The following PPP2R5D variants were observed in gnomAD, a reference collection of about 807,000 sequenced individuals.
PPP2R5D encodes protein phosphatase 2 regulatory subunit B'delta.
PPP2R5D carries 12 observed loss-of-function variants against 79.1 expected under a neutral mutation model. The ratio of observed to expected loss-of-function variants is 0.15; its 90% confidence interval spans 0.10 to 0.25. The LOEUF (loss-of-function observed/expected upper bound fraction) is 0.25. PPP2R5D is among the 10% of genes least tolerant of loss of function. The pLI, the probability that PPP2R5D is intolerant of heterozygous loss-of-function variation, is 1.00. For synonymous variants in PPP2R5D, 277 were observed against 286.6 expected (o/e 0.97, Z 0.34); for missense variants, 419 against 760.2 (o/e 0.55, Z 5.28).
Position 43,011,561 on chromosome 6 carries a change from T to C in PPP2R5D, c.*275T>C. ...GGGATGCCTGTCCCCTACCTGCTCCTCACCCACAGCTACCTGAGGCTGCTC... is the reference window on the plus strand; with the variant it reads ...GGGATGCCTGTCCCCTACCTGCTCCCCACCCACAGCTACCTGAGGCTGCTC... On this transcript the variant is annotated 3_prime_UTR_variant, in exon 16 of 16. Transcript: ENST00000485511. The C allele has an allele frequency of 2.0e-6, 1 of 510,214 alleles. No homozygotes were observed. Among genetic ancestry groups the C allele is most frequent in the East Asian group, 3.5e-5 (1 of 28,838 alleles). The allele number at this position is 510,214 out of a possible 1,614,324, so 31.6% of individuals were successfully genotyped here. A position where few individuals can be genotyped will look rare whatever the true frequency, so the allele number is the denominator to read the frequency against.
chr6:42,984,829 G>A, intron 1 of PPP2R5D, 125 bp downstream of exon 1: 1 of 1,426,484 alleles, frequency 7.0e-7, no homozygotes, highest in Non-Finnish European at 9.3e-7. Flanking sequence ...GGACTCCTGG[G>A]GCCAGCCCTC....
rs991792900 is a variant in PPP2R5D, at chr6:42,984,800, C to T, written c.27+96C>T. 1.9e-6 allele frequency: 3 copies of T among 1,556,172 alleles called. No individual in the cohort carries two copies. The African/African-American group carries it at 4.2e-5, about 22-fold the overall frequency. ...GGCCCGGGACAGCCCCAGACTGACC[C>T]TCCCGTCCAGCCCCCGCAGGACTCC... On this transcript the variant is annotated intron_variant, in intron 1 of 15. Transcript: ENST00000485511.
In PPP2R5D at chr6:43,008,189, T is replaced by G. The variant is rs1762189877; in HGVS notation, c.858-12T>G. Reference sequence around the variant, plus strand: ...TCAGGGGTTGTCAAGAGAGCCATTTTTCTTCCCTCAGGTTCATCTACGAGA... The same window carrying G: ...TCAGGGGTTGTCAAGAGAGCCATTTGTCTTCCCTCAGGTTCATCTACGAGA... On this transcript the variant is annotated splice_polypyrimidine_tract_variant and intron_variant, in intron 7 of 15. Transcript: ENST00000485511. The surrounding 1 kb of genome is among the most constrained non-coding windows in gnomAD (Gnocchi z 4.2). 6.2e-7 allele frequency: 1 copy of G among 1,614,026 alleles called. No homozygotes were observed. The highest frequency in any genetic ancestry group is 8.5e-7 in the Non-Finnish European group (1 of 1,180,036).
chr6:43,011,609 A>G lies in PPP2R5D; in HGVS notation c.*323A>G. ...CTCTGAGAAGTACACACAGGAATAC[A>G]TACGCTCCTCTATTCTTCCCTTCAT... On this transcript the variant is annotated 3_prime_UTR_variant, in exon 16 of 16. Coordinates refer to ENST00000485511, the MANE Select transcript of PPP2R5D (RefSeq NM_006245.4). 2.6e-6 allele frequency: 1 copy of G among 382,338 alleles called. No individual in the cohort carries two copies. Among genetic ancestry groups the G allele is most frequent in the South Asian group, 3.2e-5 (1 of 31,474 alleles). The allele number at this position is 382,338 out of a possible 1,614,324, so 23.7% of individuals were successfully genotyped here.
At position 43,010,076 on chromosome 6, in the gene PPP2R5D, A is replaced by T. The variant is rs1762278636; in HGVS notation, c.1380-392A>T. Among the ~76,000 whole-genome samples, 1 of 146,822 alleles carries T rather than the reference A, an allele frequency of 6.8e-6. No homozygotes were observed. The highest frequency in any genetic ancestry group is 1.9e-4 in the East Asian group (1 of 5,146). On this transcript the variant is annotated intron_variant, in intron 12 of 15. Coordinates refer to ENST00000485511, the MANE Select transcript of PPP2R5D (RefSeq NM_006245.4). This position sits in a 1 kb window ranked among gnomAD's most constrained non-coding sequence, Gnocchi z 4.7. ...AGAGTGAGACTCCGTCTTAAAAAAAAAACTCAGGGTTTTGAAAAGACTTTT... is the reference window on the plus strand; with the variant it reads ...AGAGTGAGACTCCGTCTTAAAAAAATAACTCAGGGTTTTGAAAAGACTTTT...
intron 2 of PPP2R5D, among the ~76,000 whole-genome samples, chr6:43,003,920 G>C (rs922933302): frequency 2.0e-5 from 3 of 150,766 alleles, no homozygotes; most frequent in Non-Finnish European, 4.4e-5. Context: ...ATTTTTAGTA[G>C]AGACGGGGTG....
Position 42,984,601 on chromosome 6 carries a change from A to C in PPP2R5D, c.-77A>C. On this transcript the variant is annotated 5_prime_UTR_variant, in exon 1 of 16. Transcript: ENST00000485511. ...CGCAGGCGGTGGCGAAGAGACGCCG[A>C]GCGGGCCGAGTGCGGCCGAGCAAAG... The C allele has an allele frequency of 6.6e-7, 1 of 1,514,264 alleles. No homozygotes were observed. The highest frequency in any genetic ancestry group is 8.8e-7 in the Non-Finnish European group (1 of 1,132,266). The allele number at this position is 1,514,264 out of a possible 1,614,324, so 93.8% of individuals were successfully genotyped here. A position where few individuals can be genotyped will look rare whatever the true frequency, so the allele number is the denominator to read the frequency against.
At chr6:42,998,015 T>TTATATATATATATATATA (rs1561843629) in intron 2 of PPP2R5D, among the ~76,000 whole-genome samples, 2 of 32,338 alleles carry the variant, frequency 6.2e-5, no homozygotes, top group Admixed American at 5.1e-4. Context: ...TGGGTTTTAT[T>TTATATATATATATATATA]TATATATATA....
rs990763095 is a variant in PPP2R5D at position 43,006,254 on chromosome 6, A to T, written c.106-209A>T. ...GGCTCTTGATGCACAAGCAGTGGGC[A>T]TCTCTTTGGGTGATGTGACTTCTTG... is the stretch of plus-strand genomic sequence containing the variant. On this transcript the variant is annotated intron_variant, in intron 2 of 15. Coordinates refer to ENST00000485511, the MANE Select transcript of PPP2R5D (RefSeq NM_006245.4). The surrounding 1 kb of genome is among the most constrained non-coding windows in gnomAD (Gnocchi z 4.7). Among the ~76,000 whole-genome samples, 1 of 152,220 alleles carries T rather than the reference A, an allele frequency of 6.6e-6. No homozygotes were observed. The highest frequency in any genetic ancestry group is 2.4e-5 in the African/African-American group (1 of 41,462).
At position 43,008,758 on chromosome 6, in the gene PPP2R5D, TC is replaced by T. The variant is rs1430873756; in HGVS notation, c.1080+14del. ...GTCTGACTGAGCCGGTAATTCCCCT[TC>T]CGGGCCCCAAGGCCCACCTCTTACT... On this transcript the variant is annotated intron_variant, in intron 10 of 15. Coordinates refer to ENST00000485511, the MANE Select transcript of PPP2R5D (RefSeq NM_006245.4). The surrounding 1 kb of genome is among the most constrained non-coding windows in gnomAD (Gnocchi z 4.2). 1.2e-6 allele frequency: 2 copies of T among 1,613,328 alleles called. No homozygotes were observed.
intron 1 of PPP2R5D, among the ~76,000 whole-genome samples, chr6:42,985,775 CTTTTTTTT>C: frequency 8.5e-6 from 1 of 118,298 alleles, no homozygotes; most frequent in Non-Finnish European, 1.8e-5. Context: ...CAGGCCATTT[CTTTTTTTT>C]TTTTTTTTTT....
In PPP2R5D at chr6:43,012,195, G is replaced by A. The variant is rs182035549; in HGVS notation, c.*909G>A. ...AGGGGCCAGGGGCTGAGGAAGGCCG[G>A]ACCCAGGTTCCAGGGGCGCAGGCAG... is the stretch of plus-strand genomic sequence containing the variant. On this transcript the variant is annotated 3_prime_UTR_variant, in exon 16 of 16. Transcript: ENST00000485511. 30 of 1,147,220 alleles carry A rather than the reference G, an allele frequency of 2.6e-5. No individual in the cohort carries two copies. The Admixed American group carries it at 6.5e-4, about 25-fold the overall frequency. The allele number at this position is 1,147,220 out of a possible 1,614,324, so 71.1% of individuals were successfully genotyped here.
At position 42,995,126 on chromosome 6, in the gene PPP2R5D, C is replaced by CTTTTTT. The variant is rs889250251; in HGVS notation, c.105+5454_105+5459dup. ...TTGTGTCCCACCGAACTTTTTCTTT[C>CTTTTTT]TTTTTTTTTTTTTTTTTTTTTGGAG... On this transcript the variant is annotated intron_variant, in intron 2 of 15. Coordinates refer to ENST00000485511, the MANE Select transcript of PPP2R5D (RefSeq NM_006245.4). 9.7e-4 allele frequency among the ~76,000 whole-genome samples: 103 copies of CTTTTTT among 106,320 alleles called. 3 individuals carry two copies. The highest frequency in any genetic ancestry group is 3.0e-3 in the South Asian group (9 of 2,960). 69.8% of individuals were successfully genotyped at this position (106,320 alleles called of 152,430 possible).
At chr6:42,986,445 G>GT (rs1367928435) in intron 1 of PPP2R5D, among the ~76,000 whole-genome samples, 1 of 152,142 alleles carries the variant, frequency 6.6e-6, no homozygotes, top group Non-Finnish European at 1.5e-5. Flanking sequence ...GGGCTGTTCT[G>GT]TATTTGCCAG....
chr6:43,002,587 C>T (rs188161937), intron 2 of PPP2R5D, among the ~76,000 whole-genome samples: 17 of 152,172 alleles, frequency 1.1e-4, no homozygotes, highest in African/African-American at 3.9e-4. Context: ...TGCAACTCAT[C>T]TGCCATATGT....
intron 2 of PPP2R5D, among the ~76,000 whole-genome samples, chr6:42,990,034 C>T (rs1771149806): frequency 6.6e-6 from 1 of 152,012 alleles, no homozygotes; most frequent in Admixed American, 6.6e-5. Flanking sequence ...GATGGGGTAA[C>T]AAGTGACTTC....
chr6:43,011,336 T>C lies in PPP2R5D; in HGVS notation c.*50T>C, dbSNP rs1762344619. On this transcript the variant is annotated 3_prime_UTR_variant, in exon 16 of 16. Coordinates refer to ENST00000485511, the MANE Select transcript of PPP2R5D (RefSeq NM_006245.4). ...CACAGCCCACACAGCCCTGGGACACTGCCCTGGCCCTCCATACTCTGCTCC... is the reference window on the plus strand; with the variant it reads ...CACAGCCCACACAGCCCTGGGACACCGCCCTGGCCCTCCATACTCTGCTCC... The C allele has an allele frequency of 6.2e-7, 1 of 1,609,214 alleles. No individual in the cohort carries two copies. Among genetic ancestry groups the C allele is most frequent in the Non-Finnish European group, 8.5e-7 (1 of 1,177,974 alleles).
intron 2 of PPP2R5D, among the ~76,000 whole-genome samples, chr6:42,996,111 T>C (rs1771661983): frequency 7.1e-6 from 1 of 140,214 alleles, no homozygotes; most frequent in African/African-American, 2.6e-5. Context: ...CCCAAAGGGC[T>C]GGGATTATAG....
chr6:43,007,947 T>C lies in PPP2R5D; in HGVS notation c.739T>C (p.Phe247Leu). 1 of 1,614,172 alleles carries C rather than the reference T, an allele frequency of 6.2e-7. No homozygotes were observed. The highest frequency in any genetic ancestry group is 1.1e-5 in the South Asian group (1 of 91,086). ...QKFVLALLDL[F>L]DSEDPRERDF... is the part of the protein sequence containing the mutation. ...CTTGTACCCCCAGCTCCTAGACCTA[T>C]TTGACAGTGAGGATCCTCGAGAGCG... The change falls in exon 7 of 16, where the codon TTT becomes CTT. Residue 247 changes from phenylalanine to leucine, a missense_variant. Around this residue, in one of 5 missense-constraint regions of PPP2R5D, gnomAD observed 196 missense variants for 424.5 expected, o/e 0.46. Transcript: ENST00000485511. This position sits in a 1 kb window ranked among gnomAD's most constrained non-coding sequence, Gnocchi z 4.5.
Sources: gnomAD v4.1 joint callset for allele counts (sites outside exome capture counted in the v4.1 genomes callset) on GRCh38, gnomAD v4.1.1 for gene constraint, gnomAD v4.1.1 regional missense constraint, Gnocchi (gnomAD v3.1) non-coding constraint, MANE v1.5 for transcripts, NCBI Gene and HGNC (gene_info 2026-07-23, HGNC 2026-07-21) for gene names.